The following DAB1 variants were observed in gnomAD, a reference collection of about 807,000 sequenced individuals.
DAB1 encodes disabled homolog 1.
DAB1 carries 15 observed loss-of-function variants against 64.6 expected under a neutral mutation model. The ratio of observed to expected loss-of-function variants is 0.23; its 90% confidence interval spans 0.16 to 0.36. DAB1 has a LOEUF of 0.36. DAB1 is among the 10% of genes least tolerant of loss of function. DAB1 has a pLI of 1.00. For missense variants in DAB1, 596 were observed against 706.7 expected, an observed-to-expected ratio of 0.84 and a Z score of 1.78; for synonymous variants, 235 against 251.9, an observed-to-expected ratio of 0.93 and a Z score of 0.64.
chr1:57,393,991 C>T (rs1009372789), intron 1 of DAB1, among the ~76,000 whole-genome samples: 1 of 152,164 alleles, frequency 6.6e-6, no homozygotes, highest in Non-Finnish European at 1.5e-5. Context: ...AACCTTGATT[C>T]AAAAACTTGC....
intron 4 of DAB1, among the ~76,000 whole-genome samples, chr1:58,252,356 T>C (rs1285515218): frequency 6.6e-6 from 1 of 152,142 alleles, no homozygotes; most frequent in Non-Finnish European, 1.5e-5. Context: ...GCAGGAAAGA[T>C]TTTCATTTTG....
intron 7 of DAB1, among the ~76,000 whole-genome samples, chr1:57,559,796 G>A (rs1195915806): frequency 6.6e-6 from 1 of 152,180 alleles, no homozygotes; most frequent in Admixed American, 6.5e-5. Context: ...AAGCCAAATG[G>A]AAGCCATTAG....
intron 7 of DAB1, among the ~76,000 whole-genome samples, chr1:57,488,399 C>T (rs1310043116): frequency 1.0e-5 from 1 of 95,334 alleles, no homozygotes; most frequent in African/African-American, 4.1e-5. Context: ...CAGATTCCGT[C>T]TCAAAAAAAA....
At chr1:58,261,178 C>T (rs1219049560) in intron 4 of DAB1, among the ~76,000 whole-genome samples, 1 of 152,094 alleles carries the variant, frequency 6.6e-6, no homozygotes, top group Non-Finnish European at 1.5e-5. Context: ...AGCTCAAGTC[C>T]TATGTCTTTA....
chr1:57,426,872 A>ATT (rs750097025), upstream of DAB1, among the ~76,000 whole-genome samples: 1 of 143,364 alleles, frequency 7.0e-6, no homozygotes, highest in Non-Finnish European at 1.5e-5. Flanking sequence ...ATATATATAT[A>ATT]TATTTTTTTG....
At chr1:58,070,655 G>A (rs1649179523) in intron 5 of DAB1, among the ~76,000 whole-genome samples, 2 of 152,192 alleles carry the variant, frequency 1.3e-5, no homozygotes, top group Non-Finnish European at 2.9e-5. Context: ...TGTGTGAGAT[G>A]GGATGCAGGC....
chr1:58,108,191 C>A (rs1651775062), intron 5 of DAB1, among the ~76,000 whole-genome samples: 1 of 152,166 alleles, frequency 6.6e-6, no homozygotes, highest in South Asian at 2.1e-4. Flanking sequence ...TAAAATAATT[C>A]TCACTACTCT....
At chr1:57,876,479 G>A (rs779440209) in intron 1 of DAB1, 2 of 152,336 alleles carry the variant, frequency 1.3e-5, no homozygotes, top group South Asian at 2.1e-4. Flanking sequence ...GTGATGATCT[G>A]TTGAGGCTGG....
intron 8 of DAB1, 66 bp downstream of exon 8, chr1:57,069,294 A>T (rs1297113024): frequency 9.9e-6 from 13 of 1,308,530 alleles, no homozygotes; most frequent in Non-Finnish European, 1.3e-5. Flanking sequence ...GGTTCTTTAG[A>T]CTATCAGTAC....
At chr1:57,548,374 G>C (rs1413312889) in intron 7 of DAB1, among the ~76,000 whole-genome samples, 1 of 152,112 alleles carries the variant, frequency 6.6e-6, no homozygotes, top group East Asian at 1.9e-4. Context: ...TAAATCCCAT[G>C]ACAGCGTTCA....
chr1:58,128,858 C>T (rs1653321075), intron 5 of DAB1, among the ~76,000 whole-genome samples: 1 of 150,272 alleles, frequency 6.7e-6, no homozygotes, highest in African/African-American at 2.5e-5. Flanking sequence ...ATTTGTTTTG[C>T]TAGTATTTTA....
chr1:57,730,403 T>C (rs1647358803), intron 6 of DAB1, among the ~76,000 whole-genome samples: 1 of 152,190 alleles, frequency 6.6e-6, no homozygotes, highest in Non-Finnish European at 1.5e-5. Context: ...TAAATCTCCT[T>C]AAATTTCCTC....
intron 1 of DAB1, among the ~76,000 whole-genome samples, chr1:57,293,363 T>TA (rs1294109064): frequency 6.6e-6 from 1 of 152,170 alleles, no homozygotes; most frequent in African/African-American, 2.4e-5. Context: ...TCCAGCCCCT[T>TA]ACAAGCCACA....
rs114376391 is a variant in DAB1 at position 57,556,452 on chromosome 1, A to T, written n.625+93140T>A. Reference sequence around the variant, plus strand: ...CACTCCAACATCTATTTTTTTTTTTAAATTTTTATTATGGCCATTCTTGTA... The same window carrying T: ...CACTCCAACATCTATTTTTTTTTTTTAATTTTTATTATGGCCATTCTTGTA... On this transcript the variant is annotated intron_variant and non_coding_transcript_variant, in intron 7 of 20. Coordinates refer to the DAB1 transcript ENST00000485760. Among the ~76,000 whole-genome samples the T allele has an allele frequency of 5.4e-3, 809 of 151,082 alleles. 5 individuals carry two copies. The highest frequency in any genetic ancestry group is 0.015 in the African/African-American group (617 of 41,232).
chr1:57,869,909 C>T (rs1176484712), intron 1 of DAB1, among the ~76,000 whole-genome samples: 1 of 152,102 alleles, frequency 6.6e-6, no homozygotes, highest in Non-Finnish European at 1.5e-5. Flanking sequence ...TATACTTATC[C>T]TGGCTGCATG....
intron 1 of DAB1, among the ~76,000 whole-genome samples, chr1:57,294,536 T>TAA (rs1409927654): frequency 1.3e-5 from 2 of 152,066 alleles, no homozygotes; most frequent in Non-Finnish European, 2.9e-5. Context: ...ACCCATACTA[T>TAA]AACACACATT....
intron 7 of DAB1, among the ~76,000 whole-genome samples, chr1:57,501,110 A>G (rs2101314969): frequency 6.6e-6 from 1 of 152,272 alleles, no homozygotes. Flanking sequence ...TTGATTTTGG[A>G]CTGGTCTTGT....
chr1:58,221,345 A>G (rs1237218083), intron 4 of DAB1, among the ~76,000 whole-genome samples: 1 of 152,164 alleles, frequency 6.6e-6, no homozygotes, highest in African/African-American at 2.4e-5. Context: ...CAATGGGGAA[A>G]AGATTCAAAG....
intron 4 of DAB1, among the ~76,000 whole-genome samples, chr1:58,200,821 G>A (rs1433906121): frequency 6.6e-6 from 1 of 152,162 alleles, no homozygotes; most frequent in Non-Finnish European, 1.5e-5. Context: ...CTACTGACAT[G>A]TGCAACCAAA....
Sources: gnomAD v4.1 joint callset for allele counts (sites outside exome capture counted in the v4.1 genomes callset) on GRCh38, gnomAD v4.1.1 for gene constraint, MANE v1.5 for transcripts, NCBI Gene and HGNC (gene_info 2026-07-23, HGNC 2026-07-21) for gene names.